The following CCDC192 variants were observed in gnomAD, a reference collection of about 807,000 sequenced individuals.
The protein encoded by CCDC192 is coiled-coil domain-containing protein 192.
intron 6 of CCDC192, among the ~76,000 whole-genome samples, chr5:127,893,035 G>A (rs547958295): frequency 3.5e-4 from 54 of 152,212 alleles, no homozygotes; most frequent in African/African-American, 1.3e-3. Context: ...AGGGGGTTTC[G>A]CCTAAGAATG....
intron 6 of CCDC192, among the ~76,000 whole-genome samples, chr5:127,900,145 T>TGGGCTATGCCTCAGTTTTC (rs1405837648): frequency 6.6e-6 from 1 of 152,220 alleles, no homozygotes; most frequent in Admixed American, 6.5e-5. Flanking sequence ...CCCTAGTATT[T>TGGGCTATGCCTCAGTTTTC]GGGCTATGCC....
intron 6 of CCDC192, among the ~76,000 whole-genome samples, chr5:127,917,498 G>C (rs1490172481): frequency 6.6e-6 from 1 of 152,188 alleles, no homozygotes; most frequent in African/African-American, 2.4e-5. Context: ...AGTAAAACAA[G>C]TGTAACTATT....
chr5:127,879,903 A>C (rs1752277951), intron 6 of CCDC192, among the ~76,000 whole-genome samples: 2 of 150,398 alleles, frequency 1.3e-5, no homozygotes, highest in South Asian at 4.2e-4. Context: ...ATCTCACACC[A>C]GTTAGAATGG....
At chr5:127,869,701 T>G (rs2127123526) in intron 5 of CCDC192, among the ~76,000 whole-genome samples, 1 of 152,346 alleles carries the variant, frequency 6.6e-6, no homozygotes, top group African/African-American at 2.4e-5. Context: ...GGGAAAAAAC[T>G]GAGACTTTCC....
chr5:127,913,045 T>C (rs1421792087), intron 6 of CCDC192, among the ~76,000 whole-genome samples: 1 of 152,212 alleles, frequency 6.6e-6, no homozygotes, highest in East Asian at 1.9e-4. Context: ...TGTTCTGGTT[T>C]ATATGTGAAC....
intron 2 of CCDC192, among the ~76,000 whole-genome samples, chr5:127,749,564 C>A (rs1253105588): frequency 6.6e-6 from 1 of 151,826 alleles, no homozygotes; most frequent in Non-Finnish European, 1.5e-5. Flanking sequence ...GGATATTGTT[C>A]TAAAATTCTC....
At chr5:127,756,976 A>G (rs1561470175) in intron 3 of CCDC192, among the ~76,000 whole-genome samples, 1 of 152,236 alleles carries the variant, frequency 6.6e-6, no homozygotes, top group Non-Finnish European at 1.5e-5. Context: ...TCTTTATATA[A>G]CACCAAACAA....
chr5:127,871,133 A>G (rs1015301994), intron 5 of CCDC192, among the ~76,000 whole-genome samples: 1 of 152,218 alleles, frequency 6.6e-6, no homozygotes, highest in Non-Finnish European at 1.5e-5. Context: ...TCCTCACATC[A>G]TTACACGCAG....
At chr5:127,821,208 G>A (rs1337532620) in intron 5 of CCDC192, among the ~76,000 whole-genome samples, 1 of 152,162 alleles carries the variant, frequency 6.6e-6, no homozygotes, top group Non-Finnish European at 1.5e-5. Context: ...TTTCGACATG[G>A]CCTTTTTTGA....
intron 5 of CCDC192, among the ~76,000 whole-genome samples, chr5:127,823,452 T>A (rs1451020626): frequency 1.3e-5 from 2 of 152,204 alleles, no homozygotes; most frequent in Non-Finnish European, 2.9e-5. Context: ...TCTTAACATA[T>A]TCTTCTCTCA....
At chr5:127,742,744 CTT>C (rs1753494079) in intron 2 of CCDC192, among the ~76,000 whole-genome samples, 1 of 152,116 alleles carries the variant, frequency 6.6e-6, no homozygotes, top group Non-Finnish European at 1.5e-5. Flanking sequence ...GAAATATCCT[CTT>C]AACACCAAAG....
chr5:127,765,783 C>T (rs1042429657), intron 3 of CCDC192, among the ~76,000 whole-genome samples: 6 of 152,176 alleles, frequency 3.9e-5, no homozygotes, highest in Non-Finnish European at 7.3e-5. Context: ...GTCACTCTAT[C>T]ACTGAACAGA....
chr5:127,802,663 A>G (rs901640217), intron 5 of CCDC192, among the ~76,000 whole-genome samples: 1 of 152,170 alleles, frequency 6.6e-6, no homozygotes, highest in Non-Finnish European at 1.5e-5. Flanking sequence ...TTGTCACACT[A>G]TGCCCCACAA....
Position 127,883,490 on chromosome 5 carries a change from C to G in CCDC192, c.535+7829C>G, listed in dbSNP as rs544780045. Among the ~76,000 whole-genome samples, 4 of 152,294 alleles carry G rather than the reference C, an allele frequency of 2.6e-5. No individual in the cohort carries two copies. The East Asian group carries it at 5.8e-4, about 22-fold the overall frequency. On this transcript the variant is annotated intron_variant, in intron 6 of 6. Coordinates refer to ENST00000514853, the MANE Select transcript of CCDC192 (RefSeq NM_001317938.2). ...ACTAAAAAGTTAAATGTTAAAAAAT[C>G]TATAGGTCTCATTCAGAGATTGCCT...
intron 5 of CCDC192, among the ~76,000 whole-genome samples, chr5:127,861,919 GA>G (rs1488738825): frequency 6.6e-6 from 1 of 152,128 alleles, no homozygotes; most frequent in East Asian, 1.9e-4. Flanking sequence ...TGAAATAACT[GA>G]AAAATGTACT....
intron 2 of CCDC192, among the ~76,000 whole-genome samples, chr5:127,709,211 GAGAGAGAGAGAGA>G (rs1425620815): frequency 2.5e-4 from 5 of 20,312 alleles, no homozygotes; most frequent in Non-Finnish European, 4.5e-4. Context: ...GGGAGAGAGA[GAGAGAGAGAGAGA>G]GAGAGAGAGA....
chr5:127,736,668 G>A (rs929801342), intron 2 of CCDC192, among the ~76,000 whole-genome samples: 1 of 151,764 alleles, frequency 6.6e-6, no homozygotes, highest in African/African-American at 2.4e-5. Context: ...GAGAGTGTAT[G>A]TGTCCAGGAA....
intron 3 of CCDC192, among the ~76,000 whole-genome samples, chr5:127,770,753 T>C (rs1040063570): frequency 1.3e-5 from 2 of 152,210 alleles, no homozygotes; most frequent in African/African-American, 4.8e-5. Flanking sequence ...TGTTTCCTTT[T>C]GAGAGGGAGT....
At chr5:127,728,277 G>T (rs1241884344) in intron 2 of CCDC192, among the ~76,000 whole-genome samples, 2 of 152,124 alleles carry the variant, frequency 1.3e-5, no homozygotes, top group Non-Finnish European at 2.9e-5. Flanking sequence ...GGAAAAAATT[G>T]TTAAGGGCAG....
Sources: gnomAD v4.1 joint callset for allele counts (sites outside exome capture counted in the v4.1 genomes callset) on GRCh38, gnomAD v4.1.1 for gene constraint, MANE v1.5 for transcripts, NCBI Gene and HGNC (gene_info 2026-07-23, HGNC 2026-07-21) for gene names.